The following GRIP1 variants were observed in gnomAD, a reference collection of about 807,000 sequenced individuals.
The protein encoded by GRIP1 is glutamate receptor interacting protein 1.
GRIP1 carries 45 observed loss-of-function variants against 129.9 expected under a neutral mutation model. The ratio of observed to expected loss-of-function variants is 0.35; its 90% CI spans 0.27 to 0.44. The LOEUF (loss-of-function observed/expected upper bound fraction) is 0.44, where lower values mean the gene tolerates loss of function less well. GRIP1 is among the 20% of genes least tolerant of loss of function. The pLI is 1.00. For synonymous variants in GRIP1, 530 were observed against 520.8 expected (o/e 1.02, Z -0.24); for missense variants, 1,196 against 1,396.8 (o/e 0.86, Z 2.29).
rs1414498793 is a variant in GRIP1 at position 66,540,499 on chromosome 12, G to T, written c.273-1276C>A. ...CCATGATTGTTATAAAATAAAGGAG[G>T]TTGTGGGTGTGGAAAGATGCTTCTT... is the stretch of plus-strand genomic sequence containing the variant. On this transcript the variant is annotated intron_variant, in intron 3 of 24. Coordinates refer to ENST00000359742, the MANE Select transcript of GRIP1 (RefSeq NM_001366722.1). Among the ~76,000 whole-genome samples, 5 of 152,174 alleles carry T rather than the reference G, an allele frequency of 3.3e-5. No homozygotes were observed. In the East Asian group the frequency reaches 7.7e-4, roughly 23 times the overall value.
At position 66,463,096 on chromosome 12, in the gene GRIP1, A is replaced by G. The variant is rs573831060; in HGVS notation, c.873-3T>C. Reference sequence around the variant, plus strand: ...CTCCCACATGCAATGCGCCACATCTACGGAAAGGAGAAATACTCGGTAAGA... The same window carrying G: ...CTCCCACATGCAATGCGCCACATCTGCGGAAAGGAGAAATACTCGGTAAGA... On this transcript the variant is annotated splice_polypyrimidine_tract_variant and splice_region_variant and intron_variant, in intron 8 of 24. Transcript: ENST00000359742. 116 of 1,613,400 alleles carry G rather than the reference A, an allele frequency of 7.2e-5. No individual in the cohort carries two copies. In the South Asian group the frequency reaches 1.1e-3, roughly 16 times the overall value.
intron 2 of GRIP1, among the ~76,000 whole-genome samples, chr12:66,576,593 G>A (rs749598170): frequency 6.6e-6 from 1 of 152,178 alleles, no homozygotes; most frequent in Non-Finnish European, 1.5e-5. Flanking sequence ...GGTAGACTTG[G>A]ACAAGTTACC....
intron 1 of GRIP1, among the ~76,000 whole-genome samples, chr12:66,973,836 TATA>T (rs1011642481): frequency 4.6e-5 from 7 of 152,048 alleles, no homozygotes; most frequent in African/African-American, 1.7e-4. Context: ...ATTAAAATTA[TATA>T]AGAAGACCCT....
chr12:66,949,472 T>C lies in GRIP1; in HGVS notation c.58+119578A>G, dbSNP rs1486380102. On this transcript the variant is annotated intron_variant, in intron 1 of 1. Coordinates refer to the GRIP1 transcript ENST00000643019. ...TACAAATCTGTGGCTAAGATGAGAC[T>C]TGGCAGGCCCAACAACTAATGGTCA... Among the ~76,000 whole-genome samples, 6 of 152,292 alleles carry C rather than the reference T, an allele frequency of 3.9e-5. No individual in the cohort carries two copies. In the East Asian group the frequency reaches 1.2e-3, roughly 29 times the overall value.
intron 1 of GRIP1, among the ~76,000 whole-genome samples, chr12:66,767,712 A>C (rs986356845): frequency 6.6e-6 from 1 of 152,226 alleles, no homozygotes; most frequent in Admixed American, 6.5e-5. Flanking sequence ...GAAGACAAGC[A>C]AATAATTTAC....
intron 1 of GRIP1, among the ~76,000 whole-genome samples, chr12:66,858,273 T>C (rs574268517): frequency 1.3e-5 from 2 of 151,998 alleles, no homozygotes; most frequent in East Asian, 3.9e-4. Context: ...TATAAAAGTA[T>C]AGAAAATTAT....
intron 1 of GRIP1, among the ~76,000 whole-genome samples, chr12:66,802,562 A>G (rs553028302): frequency 6.6e-6 from 1 of 152,288 alleles, no homozygotes; most frequent in Non-Finnish European, 1.5e-5. Flanking sequence ...TTGTTTTTAA[A>G]TTCTTACCAA....
intron 1 of GRIP1, among the ~76,000 whole-genome samples, chr12:66,629,985 C>CT (rs913871282): frequency 2.6e-5 from 4 of 151,428 alleles, no homozygotes; most frequent in East Asian, 1.9e-4. Flanking sequence ...CCTTTACACA[C>CT]TTTTTTTTTA....
At chr12:66,826,309 C>T (rs111422630) in intron 1 of GRIP1, among the ~76,000 whole-genome samples, 2,750 of 150,656 alleles carry the variant, frequency 0.018, 79 homozygotes, top group African/African-American at 0.062. Context: ...TCAGGGGATG[C>T]GGGGATAGGG....
At chr12:66,670,175 C>T (rs2034008872) in intron 1 of GRIP1, among the ~76,000 whole-genome samples, 1 of 152,170 alleles carries the variant, frequency 6.6e-6, no homozygotes, top group Non-Finnish European at 1.5e-5. Context: ...AGCTGAGATG[C>T]TCAGAACATT....
intron 22 of GRIP1, chr12:66,372,372 T>G: frequency 3.9e-6 from 1 of 259,338 alleles, no homozygotes; most frequent in Admixed American, 5.0e-5. Flanking sequence ...GCTGCCTCTA[T>G]CTCCAACTGC....
At chr12:66,518,090 G>T in intron 5 of GRIP1, 114 bp from the exon 6 acceptor site, 1 of 755,638 alleles carries the variant, frequency 1.3e-6, no homozygotes, top group African/African-American at 1.7e-5. Flanking sequence ...AGGAAAATAT[G>T]TAAAATTTTC....
chr12:66,470,437 CTT>C (rs772216731), intron 7 of GRIP1, among the ~76,000 whole-genome samples: 1 of 64,784 alleles, frequency 1.5e-5, no homozygotes, highest in Non-Finnish European at 2.9e-5. Flanking sequence ...CCTTCACCTA[CTT>C]TTTTTTTTTT....
chr12:66,750,851 A>C (rs761772585), intron 1 of GRIP1, among the ~76,000 whole-genome samples: 1 of 152,230 alleles, frequency 6.6e-6, no homozygotes, highest in Admixed American at 6.5e-5. Context: ...CAAATGACAG[A>C]TATCAAAGAG....
At chr12:66,900,195 T>A (rs1021065277) in intron 1 of GRIP1, among the ~76,000 whole-genome samples, 16 of 152,170 alleles carry the variant, frequency 1.1e-4, no homozygotes, top group Admixed American at 6.5e-4. Flanking sequence ...TGTCTGTATA[T>A]AATAGAAACT....
chr12:66,928,455 T>C (rs2041332330), intron 1 of GRIP1, among the ~76,000 whole-genome samples: 2 of 152,226 alleles, frequency 1.3e-5, no homozygotes, highest in Admixed American at 1.3e-4. Context: ...AAGCCCTTTC[T>C]TTGAATTGAC....
chr12:66,655,363 AG>A (rs2033081369), intron 1 of GRIP1, among the ~76,000 whole-genome samples: 1 of 152,162 alleles, frequency 6.6e-6, no homozygotes, highest in Non-Finnish European at 1.5e-5. Flanking sequence ...AATTGAGAAA[AG>A]GGTACCGAGA....
intron 1 of GRIP1, chr12:66,626,569 T>A (rs971774101): frequency 6.6e-6 from 1 of 152,204 alleles, no homozygotes; most frequent in African/African-American, 2.4e-5. Flanking sequence ...ATAACCTATA[T>A]TCTGAAAGCA....
At chr12:66,457,418 C>A (rs184626083) in intron 9 of GRIP1, among the ~76,000 whole-genome samples, 1 of 152,280 alleles carries the variant, frequency 6.6e-6, no homozygotes, top group East Asian at 1.9e-4. Context: ...CAGGCCCACG[C>A]CACCACACCC....
Sources: allele counts gnomAD v4.1 joint callset (sites outside exome capture counted in the v4.1 genomes callset), GRCh38; gene constraint gnomAD v4.1.1; transcripts MANE v1.5; gene names NCBI Gene and HGNC (gene_info 2026-07-23, HGNC 2026-07-21).